The following IL16 variants were observed in gnomAD, a reference collection of about 807,000 sequenced individuals.
The protein encoded by IL16 is interleukin 16.
In IL16, 67 loss-of-function variants were observed where a neutral mutation model predicts 110.1. That is an observed-to-expected ratio of 0.61 (90% CI 0.50 to 0.75). The LOEUF is 0.75. Ranked by LOEUF, IL16 falls within the 30% of genes least tolerant of loss-of-function variation. The pLI, the probability that IL16 is intolerant of heterozygous loss-of-function variation, is 0.00. For missense variants in IL16, 1,545 were observed against 1,655.0 expected (o/e 0.93, Z 1.15); for synonymous variants, 689 against 662.9 (o/e 1.04, Z -0.61).
At chr15:81,219,046 G>A (rs1030035833) in intron 1 of IL16, among the ~76,000 whole-genome samples, 6 of 152,022 alleles carry the variant, frequency 3.9e-5, no homozygotes, top group South Asian at 2.1e-4. Context: ...CCATAAAGGT[G>A]TTAAATACTT....
intron 5 of IL16, among the ~76,000 whole-genome samples, chr15:81,270,297 C>T (rs147999346): frequency 1.6e-3 from 246 of 152,310 alleles, no homozygotes; most frequent in Non-Finnish European, 3.0e-3. Flanking sequence ...CCACCTTGTG[C>T]GTGAGGTTGA....
chr15:81,242,919 G>A (rs1897384444), intron 2 of IL16, among the ~76,000 whole-genome samples: 6 of 151,520 alleles, frequency 4.0e-5, no homozygotes, highest in Admixed American at 3.9e-4. Flanking sequence ...TTTTAATCAT[G>A]ATTGGGTACT....
chr15:81,249,213 T>C (rs1306894384), intron 2 of IL16, among the ~76,000 whole-genome samples: 1 of 152,246 alleles, frequency 6.6e-6, no homozygotes, highest in Non-Finnish European at 1.5e-5. Flanking sequence ...GCTCCATTTT[T>C]ATTTGTAAAA....
At chr15:81,293,161 A>C in intron 12 of IL16, 124 bp downstream of exon 12, 2 of 1,073,742 alleles carry the variant, frequency 1.9e-6, no homozygotes, top group Non-Finnish European at 1.3e-6. Flanking sequence ...ACCAGAGAGA[A>C]ACTGTTGCCT....
chr15:81,232,868 A>G (rs1595975580), intron 2 of IL16, among the ~76,000 whole-genome samples: 1 of 152,196 alleles, frequency 6.6e-6, no homozygotes, highest in South Asian at 2.1e-4. Flanking sequence ...GGGTATTTTG[A>G]CCTCATGAAA....
intron 1 of IL16, among the ~76,000 whole-genome samples, chr15:81,216,955 A>T (rs1403206398): frequency 6.6e-6 from 1 of 152,238 alleles, no homozygotes; most frequent in Admixed American, 6.5e-5. Context: ...TGTAACCACG[A>T]CATGATATGC....
At position 81,232,257 on chromosome 15, in the gene IL16, T is replaced by C. The variant is rs543853315; in HGVS notation, c.312+6546T>C. 2.0e-5 allele frequency among the ~76,000 whole-genome samples: 3 copies of C among 152,230 alleles called. No individual in the cohort carries two copies. The East Asian group carries it at 5.8e-4, about 29-fold the overall frequency. Reference sequence around the variant, plus strand: ...GATTTTTGTTGTTGTTGTTTATTTTTCAGCATATCCAATCGTTACCTACCA... The same window carrying C: ...GATTTTTGTTGTTGTTGTTTATTTTCCAGCATATCCAATCGTTACCTACCA... On this transcript the variant is annotated intron_variant, in intron 2 of 18. Transcript: ENST00000683961.
At chr15:81,229,272 G>A (rs1896893399) in intron 2 of IL16, among the ~76,000 whole-genome samples, 1 of 152,140 alleles carries the variant, frequency 6.6e-6, no homozygotes, top group African/African-American at 2.4e-5. Context: ...ACCGAGGAGG[G>A]CAGACAGTGT....
chr15:81,282,667 G>C lies in IL16; in HGVS notation c.1110G>C (p.Leu370=). The change falls in exon 9 of 19, where the codon CTG becomes CTC. Residue 370 remains leucine (L), a synonymous_variant. Coordinates refer to ENST00000683961, the MANE Select transcript of IL16 (RefSeq NM_172217.5). The part of the protein sequence containing the change: ...KEAGVGLGIG[L]CSVPYFQCIS... ...CCGGCGTGGGCCTGGGCATCGGCCT[G>C]TGCAGCGTTCCCTACTTCCAATGCA... 1 of 1,613,740 alleles carries C rather than the reference G, an allele frequency of 6.2e-7. No homozygotes were observed. Among genetic ancestry groups the C allele is most frequent in the Admixed American group, 1.7e-5 (1 of 60,036 alleles).
At chr15:81,204,852 G>C (rs1320055069) in intron 1 of IL16, among the ~76,000 whole-genome samples, 2 of 152,224 alleles carry the variant, frequency 1.3e-5, no homozygotes, top group East Asian at 3.9e-4. Flanking sequence ...GGACTGAAAA[G>C]GTTTAGTGCT....
upstream of IL16, among the ~76,000 whole-genome samples, chr15:81,192,216 G>T (rs955047952): frequency 4.6e-5 from 7 of 152,326 alleles, 1 homozygote; most frequent in South Asian, 1.5e-3. Context: ...TTGTGTGTGT[G>T]GAGAGGGAGA....
intron 9 of IL16, among the ~76,000 whole-genome samples, chr15:81,284,426 G>A (rs887745249): frequency 6.6e-6 from 1 of 152,194 alleles, no homozygotes; most frequent in Admixed American, 6.5e-5. Flanking sequence ...GAGCTGCTCT[G>A]CTGGTTTGTG....
intron 13 of IL16, among the ~76,000 whole-genome samples, chr15:81,298,284 T>C (rs1900090922): frequency 6.6e-6 from 1 of 152,200 alleles, no homozygotes. Flanking sequence ...AAACCTGGCA[T>C]TGAGACAAGG....
At chr15:81,241,803 C>T (rs943737254) in intron 2 of IL16, among the ~76,000 whole-genome samples, 2 of 151,944 alleles carry the variant, frequency 1.3e-5, no homozygotes, top group African/African-American at 4.8e-5. Context: ...TCGCAAGGTT[C>T]CCTCATGTTA....
At chr15:81,280,517 A>G (rs1036882486) in intron 8 of IL16, among the ~76,000 whole-genome samples, 6 of 152,210 alleles carry the variant, frequency 3.9e-5, no homozygotes, top group Admixed American at 2.0e-4. Context: ...GCTTCAAAAA[A>G]TGTCTCCTAG....
chr15:81,190,431 G>C lies in IL16; in HGVS notation c.40+7535G>C, dbSNP rs114683079. On this transcript the variant is annotated intron_variant, in intron 1 of 18. Coordinates refer to the IL16 transcript ENST00000302987. Reference sequence around the variant, plus strand: ...TTTACTTACTCAGCTTTTGTTACAAGGACAAGAACTGACTGGATTTTGTTG... The same window carrying C: ...TTTACTTACTCAGCTTTTGTTACAACGACAAGAACTGACTGGATTTTGTTG... 2.4e-3 allele frequency among the ~76,000 whole-genome samples: 369 copies of C among 152,330 alleles called. 1 individual carries two copies. Among genetic ancestry groups the C allele is most frequent in the African/African-American group, 8.7e-3 (360 of 41,572 alleles).
chr15:81,232,546 G>A (rs184456238), intron 2 of IL16, among the ~76,000 whole-genome samples: 95 of 152,088 alleles, frequency 6.2e-4, no homozygotes, highest in African/African-American at 2.0e-3. Flanking sequence ...TATTTTGCCC[G>A]CCACCCCCAC....
intron 5 of IL16, among the ~76,000 whole-genome samples, chr15:81,271,948 G>A (rs1898661032): frequency 6.6e-6 from 1 of 152,180 alleles, no homozygotes; most frequent in African/African-American, 2.4e-5. Flanking sequence ...GAAGTAAACT[G>A]CCCATGAGCA....
chr15:81,285,854 T>G (rs749576695), intron 10 of IL16, 24 bp downstream of exon 10: 5 of 1,612,698 alleles, frequency 3.1e-6, no homozygotes, highest in Non-Finnish European at 8.5e-7. Context: ...GGTTATCCTC[T>G]TCTTCTCAGG....
Sources: gnomAD v4.1 joint callset for allele counts (sites outside exome capture counted in the v4.1 genomes callset) on GRCh38, gnomAD v4.1.1 for gene constraint, MANE v1.5 for transcripts, NCBI Gene and HGNC (gene_info 2026-07-23, HGNC 2026-07-21) for gene names.